The following LEKR1 variants were observed in gnomAD, a reference collection of about 807,000 sequenced individuals.
LEKR1 encodes the protein leucine, glutamate and lysine rich 1, also known as protein LEKR1.
Under a neutral mutation model 72.4 loss-of-function variants are expected in LEKR1, and 59 were observed. The ratio of observed to expected loss-of-function variants is 0.82; its 90% CI spans 0.66 to 1.01. The LOEUF (loss-of-function observed/expected upper bound fraction) is 1.01. Among genes scored for constraint, LEKR1 ranks in the 50% least tolerant of loss-of-function variants. The probability of loss-of-function intolerance (pLI) is 0.00; values close to 1 mark genes in which losing one functional copy is unlikely to be tolerated. For synonymous variants in LEKR1, 257 were observed against 263.2 expected (o/e 0.98, Z 0.23); for missense variants, 728 against 759.2 (o/e 0.96, Z 0.48).
chr3:156,849,373 C>T (rs1229490414), intron 2 of LEKR1, among the ~76,000 whole-genome samples: 2 of 152,154 alleles, frequency 1.3e-5, no homozygotes, highest in Admixed American at 1.3e-4. Context: ...CATCAAGCTA[C>T]TAATGACTTT....
At chr3:157,033,314 G>T (rs1734750405) in intron 12 of LEKR1, among the ~76,000 whole-genome samples, 1 of 152,192 alleles carries the variant, frequency 6.6e-6, no homozygotes, top group Non-Finnish European at 1.5e-5. Flanking sequence ...TAAGCCTCTT[G>T]TTCCAGTTAG....
chr3:156,854,376 C>T (rs1157052777), intron 3 of LEKR1, among the ~76,000 whole-genome samples: 1 of 151,804 alleles, frequency 6.6e-6, no homozygotes, highest in Non-Finnish European at 1.5e-5. Flanking sequence ...AAACTCCTAA[C>T]CTCAGGTGAT....
intron 3 of LEKR1, among the ~76,000 whole-genome samples, chr3:156,883,547 C>T (rs1719716898): frequency 6.6e-6 from 1 of 152,148 alleles, no homozygotes; most frequent in Non-Finnish European, 1.5e-5. Context: ...TTGTAGCTCC[C>T]ATAATTCCCA....
chr3:156,860,183 G>GT lies in LEKR1; in HGVS notation c.263+7207dup, dbSNP rs1224023683. ...CCATCTTGGTGGAAATCTTGGGTTG[G>GT]TTTTTTAGTCAAATTAAATATTATT... On this transcript the variant is annotated intron_variant, in intron 3 of 12. Coordinates refer to ENST00000356539, the MANE Select transcript of LEKR1 (RefSeq NM_001004316.3). Among the ~76,000 whole-genome samples, 3 of 152,122 alleles carry GT rather than the reference G, an allele frequency of 2.0e-5. No individual in the cohort carries two copies. The South Asian group carries it at 6.2e-4, about 32-fold the overall frequency.
In LEKR1 at chr3:156,827,409, G is replaced by A. The variant is rs182216059; in HGVS notation, c.-45+1033G>A. Among the ~76,000 whole-genome samples the A allele has an allele frequency of 2.9e-3, 442 of 152,248 alleles. 2 individuals are homozygous for A. The highest frequency in any genetic ancestry group is 0.01 in the African/African-American group (421 of 41,540). ...CTGTGCATTACTTAGGAGGAAAGCCGTTAGCTAACACAGGTGGTTACCCCA... is the reference window on the plus strand; with the variant it reads ...CTGTGCATTACTTAGGAGGAAAGCCATTAGCTAACACAGGTGGTTACCCCA... On this transcript the variant is annotated intron_variant, in intron 1 of 12. Transcript: ENST00000356539.
chr3:156,893,921 AC>A (rs2108558708), intron 3 of LEKR1, among the ~76,000 whole-genome samples: 1 of 152,322 alleles, frequency 6.6e-6, no homozygotes, highest in East Asian at 1.9e-4. Flanking sequence ...CAAGTTGGGA[AC>A]AGGATGGGAC....
In LEKR1 at chr3:157,045,871, T is replaced by C. The variant is rs766540637; in HGVS notation, c.*121T>C. 16 of 867,452 alleles carry C rather than the reference T, an allele frequency of 1.8e-5. No homozygotes were observed. The highest frequency in any genetic ancestry group is 2.6e-5 in the Non-Finnish European group (15 of 578,078). The allele number at this position is 867,452 out of a possible 1,614,324, so 53.7% of individuals were successfully genotyped here. A position where few individuals can be genotyped will look rare whatever the true frequency, so the allele number is the denominator to read the frequency against. ...TTTTCACAGATCAGGAAGGCATACC[T>C]ATAGATGTATTTAACAAAAGACTGT... On this transcript the variant is annotated 3_prime_UTR_variant, in exon 13 of 13. Coordinates refer to ENST00000356539, the MANE Select transcript of LEKR1 (RefSeq NM_001004316.3).
intron 2 of LEKR1, among the ~76,000 whole-genome samples, chr3:156,830,083 T>TA (rs1712174668): frequency 1.3e-5 from 2 of 152,266 alleles, no homozygotes; most frequent in East Asian, 3.9e-4. Context: ...TCAAGAGATG[T>TA]AAAAAAACAT....
intron 10 of LEKR1, among the ~76,000 whole-genome samples, chr3:157,013,109 C>A (rs1576994626): frequency 6.6e-6 from 1 of 152,024 alleles, no homozygotes; most frequent in Non-Finnish European, 1.5e-5. Context: ...TCAATATGTA[C>A]CAAGAGATAT....
intron 3 of LEKR1, among the ~76,000 whole-genome samples, chr3:156,870,829 T>C (rs1038971313): frequency 6.6e-6 from 1 of 152,112 alleles, no homozygotes; most frequent in Non-Finnish European, 1.5e-5. Context: ...ATATGGCCTT[T>C]ATGTTGAGAT....
chr3:157,011,113 G>A (rs1324672917), intron 9 of LEKR1, among the ~76,000 whole-genome samples: 1 of 151,982 alleles, frequency 6.6e-6, no homozygotes, highest in Non-Finnish European at 1.5e-5. Context: ...CACATGAACA[G>A]CCAGAAGACA....
chr3:156,914,152 A>G (rs1174352516), intron 3 of LEKR1, among the ~76,000 whole-genome samples: 1 of 152,158 alleles, frequency 6.6e-6, no homozygotes, highest in Admixed American at 6.6e-5. Flanking sequence ...CAATTCTTTA[A>G]AAAAATTTTT....
At chr3:156,886,835 C>A (rs1355693716) in intron 3 of LEKR1, among the ~76,000 whole-genome samples, 1 of 152,168 alleles carries the variant, frequency 6.6e-6, no homozygotes, top group African/African-American at 2.4e-5. Context: ...AGGATCTGTG[C>A]AATCAAACAA....
At chr3:156,890,696 T>G (rs1168196655) in intron 3 of LEKR1, among the ~76,000 whole-genome samples, 1 of 152,118 alleles carries the variant, frequency 6.6e-6, no homozygotes, top group Non-Finnish European at 1.5e-5. Context: ...TAATGTAACT[T>G]TATATTTACC....
At chr3:156,854,992 A>G (rs1474451095) in intron 3 of LEKR1, among the ~76,000 whole-genome samples, 1 of 152,080 alleles carries the variant, frequency 6.6e-6, no homozygotes, top group Non-Finnish European at 1.5e-5. Flanking sequence ...ATGTTAATGT[A>G]TGTAGATCTA....
intron 3 of LEKR1, among the ~76,000 whole-genome samples, chr3:156,915,013 TC>T (rs1723483817): frequency 6.6e-6 from 1 of 152,110 alleles, no homozygotes; most frequent in Non-Finnish European, 1.5e-5. Context: ...ATCATTTGGC[TC>T]CCACTTATAA....
At chr3:156,863,050 C>T (rs534372218) in intron 3 of LEKR1, among the ~76,000 whole-genome samples, 8 of 152,040 alleles carry the variant, frequency 5.3e-5, no homozygotes, top group African/African-American at 1.9e-4. Flanking sequence ...CCAGCAAATC[C>T]TTTTACCTGA....
intron 12 of LEKR1, among the ~76,000 whole-genome samples, chr3:157,036,247 A>C (rs2108043552): frequency 6.6e-6 from 1 of 152,326 alleles, no homozygotes; most frequent in East Asian, 1.9e-4. Flanking sequence ...TTAAACATAA[A>C]CAGCCAGCTA....
intron 6 of LEKR1, among the ~76,000 whole-genome samples, chr3:156,962,592 C>T (rs762526858): frequency 9.2e-5 from 14 of 152,116 alleles, no homozygotes; most frequent in Admixed American, 2.0e-4. Flanking sequence ...TCACTGGAGT[C>T]GTCTAAGATT....
Sources: allele counts gnomAD v4.1 joint callset (sites outside exome capture counted in the v4.1 genomes callset), GRCh38; gene constraint gnomAD v4.1.1; transcripts MANE v1.5; gene names NCBI Gene and HGNC (gene_info 2026-07-23, HGNC 2026-07-21).